Variants in RGL1 observed in about 807,000 individuals in gnomAD.
RGL1 encodes the protein ral guanine nucleotide dissociation stimulator like 1.
A neutral mutation model predicts 95.2 loss-of-function variants in RGL1; 24 were observed. The ratio of observed to expected loss-of-function variants is 0.25; its 90% CI spans 0.18 to 0.35. The LOEUF (loss-of-function observed/expected upper bound fraction) is 0.35. RGL1 is among the 10% of genes least tolerant of loss of function. The pLI, the probability that RGL1 is intolerant of heterozygous loss-of-function variation, is 1.00. For synonymous variants in RGL1, 329 were observed against 344.9 expected, an observed-to-expected ratio of 0.95 and a Z score of 0.51; for missense variants, 715 against 936.3, an observed-to-expected ratio of 0.76 and a Z score of 3.08.
intron 1 of RGL1, among the ~76,000 whole-genome samples, chr1:183,683,543 C>G (rs542656163): frequency 6.6e-6 from 1 of 152,332 alleles, no homozygotes; most frequent in East Asian, 1.9e-4. Context: ...CACTGTTAGT[C>G]TGATGGGCTT....
intron 16 of RGL1, among the ~76,000 whole-genome samples, chr1:183,918,365 A>G (rs750714615): frequency 5.3e-5 from 8 of 152,058 alleles, no homozygotes; most frequent in Non-Finnish European, 7.4e-5. Context: ...GGTAGAGGAA[A>G]CACAGGGAAG....
At chr1:183,892,926 G>A (rs1667503542) in intron 9 of RGL1, among the ~76,000 whole-genome samples, 1 of 152,242 alleles carries the variant, frequency 6.6e-6, no homozygotes, top group African/African-American at 2.4e-5. Flanking sequence ...TTTGTAGATA[G>A]CCAAGACTCA....
intron 1 of RGL1, among the ~76,000 whole-genome samples, chr1:183,693,197 G>C (rs1295061214): frequency 6.6e-6 from 1 of 152,012 alleles, no homozygotes; most frequent in Admixed American, 6.6e-5. Flanking sequence ...CTTGTGATCT[G>C]CCCACCTCGG....
intron 12 of RGL1, among the ~76,000 whole-genome samples, chr1:183,903,534 A>C (rs1572579827): frequency 6.6e-6 from 1 of 152,276 alleles, no homozygotes; most frequent in East Asian, 1.9e-4. Context: ...TTCACATTCC[A>C]CAAATATTGA....
chr1:183,690,681 G>C (rs1357278217), intron 1 of RGL1, among the ~76,000 whole-genome samples: 2 of 151,450 alleles, frequency 1.3e-5, no homozygotes, highest in Non-Finnish European at 1.5e-5. Context: ...TTAATTCAAA[G>C]GCAGAAATAA....
At chr1:183,731,967 C>T (rs1434067343) in intron 1 of RGL1, among the ~76,000 whole-genome samples, 1 of 152,102 alleles carries the variant, frequency 6.6e-6, no homozygotes, top group Non-Finnish European at 1.5e-5. Context: ...TTTGTTTCGC[C>T]CTGCCCCATA....
chr1:183,684,735 C>T (rs1329663238), intron 1 of RGL1, among the ~76,000 whole-genome samples: 1 of 152,218 alleles, frequency 6.6e-6, no homozygotes, highest in Non-Finnish European at 1.5e-5. Flanking sequence ...CCGAGGGAAT[C>T]TCCTGGTCTG....
At chr1:183,908,593 A>G (rs1294822886) in intron 14 of RGL1, among the ~76,000 whole-genome samples, 1 of 151,816 alleles carries the variant, frequency 6.6e-6, no homozygotes, top group African/African-American at 2.4e-5. Context: ...GATATGGGGG[A>G]ATGAACTACT....
chr1:183,809,059 G>A (rs1661527820), intron 2 of RGL1, among the ~76,000 whole-genome samples: 2 of 152,156 alleles, frequency 1.3e-5, no homozygotes, highest in South Asian at 2.1e-4. Context: ...TATTTGTTGC[G>A]AAGCTATGAT....
At chr1:183,890,774 G>A (rs904246822) in intron 8 of RGL1, among the ~76,000 whole-genome samples, 2 of 152,104 alleles carry the variant, frequency 1.3e-5, no homozygotes, top group Non-Finnish European at 2.9e-5. Flanking sequence ...CTATGGACAC[G>A]GAATGTAGAT....
At chr1:183,786,093 A>G (rs991789763) in intron 2 of RGL1, among the ~76,000 whole-genome samples, 1 of 151,482 alleles carries the variant, frequency 6.6e-6, no homozygotes, top group Non-Finnish European at 1.5e-5. Flanking sequence ...CAATCAATCA[A>G]TGAAACAAAA....
intron 1 of RGL1, among the ~76,000 whole-genome samples, chr1:183,655,527 T>G (rs1651093268): frequency 6.6e-6 from 1 of 152,138 alleles, no homozygotes; most frequent in African/African-American, 2.4e-5. Context: ...GATCAGAAGA[T>G]TAAGTAGATT....
chr1:183,863,229 G>T (rs1019383904), intron 3 of RGL1, among the ~76,000 whole-genome samples: 4 of 152,240 alleles, frequency 2.6e-5, no homozygotes, highest in Admixed American at 2.0e-4. Flanking sequence ...TCAGGGCCTT[G>T]TGAGACACGT....
chr1:183,704,296 G>A (rs185876888), intron 1 of RGL1, among the ~76,000 whole-genome samples: 2 of 152,302 alleles, frequency 1.3e-5, no homozygotes, highest in South Asian at 2.1e-4. Flanking sequence ...GTTAGGAAAC[G>A]CTGTTCTTTC....
intron 1 of RGL1, chr1:183,647,160 C>G (rs1650349419): frequency 6.5e-6 from 1 of 152,790 alleles, no homozygotes; most frequent in African/African-American, 2.4e-5. Flanking sequence ...TTTTCCCACA[C>G]AAAACTATTT....
chr1:183,840,669 C>T (rs1044343502), intron 2 of RGL1, among the ~76,000 whole-genome samples: 1 of 151,534 alleles, frequency 6.6e-6, no homozygotes, highest in Non-Finnish European at 1.5e-5. Flanking sequence ...TTGAGACCAG[C>T]TTGGGCAATA....
At chr1:183,897,707 A>G in intron 9 of RGL1, 101 bp from the exon 10 acceptor site, 1 of 783,330 alleles carries the variant, frequency 1.3e-6, no homozygotes, top group Non-Finnish European at 2.1e-6. Context: ...GTTCCGAGCG[A>G]GAGTTATGCA....
At chr1:183,760,973 G>C (rs1192027899) in intron 2 of RGL1, among the ~76,000 whole-genome samples, 1 of 152,152 alleles carries the variant, frequency 6.6e-6, no homozygotes, top group Non-Finnish European at 1.5e-5. Flanking sequence ...CAGCAATTTA[G>C]CCTATCTTTG....
intron 1 of RGL1, among the ~76,000 whole-genome samples, chr1:183,641,439 C>T (rs1649916081): frequency 6.6e-6 from 1 of 152,198 alleles, no homozygotes; most frequent in South Asian, 2.1e-4. Flanking sequence ...GCTGCCTTTA[C>T]AAACTTTGTT....
Sources: allele counts gnomAD v4.1 joint callset (sites outside exome capture counted in the v4.1 genomes callset), GRCh38; gene constraint gnomAD v4.1.1; transcripts MANE v1.5; gene names NCBI Gene and HGNC (gene_info 2026-07-23, HGNC 2026-07-21).